PGM2L1: variants seen among roughly 807,000 people sequenced by gnomAD.
PGM2L1 encodes the protein phosphoglucomutase 2 like 1, also known as glucose 1,6-bisphosphate synthase.
In PGM2L1, 35 loss-of-function variants were observed where a neutral mutation model predicts 73.4. The ratio of observed to expected loss-of-function variants is 0.48; its 90% confidence interval spans 0.36 to 0.63. PGM2L1 has a LOEUF of 0.63. Among genes scored for constraint, PGM2L1 ranks in the 30% least tolerant of loss-of-function variants. PGM2L1 has a pLI of 0.00. For missense variants in PGM2L1, 570 were observed against 742.0 expected (o/e 0.77, Z 2.69); for synonymous variants, 225 against 253.8 (o/e 0.89, Z 1.08).
Position 74,334,764 on chromosome 11 carries a change from A to G in PGM2L1, c.*1888T>C, listed in dbSNP as rs2134872983. 6.6e-6 allele frequency: 1 copy of G among 152,316 alleles called. No individual in the cohort carries two copies. The highest frequency in any genetic ancestry group is 2.1e-4 in the South Asian group (1 of 4,826). The allele number at this position is 152,316 out of a possible 1,614,324, so 9.4% of individuals were successfully genotyped here. On this transcript the variant is annotated 3_prime_UTR_variant, in exon 14 of 14. Transcript: ENST00000298198. Reference sequence around the variant, plus strand: ...TTTATATGAAATAAATTCTCTAATTACAGTGCTATCTCCCATAAGCAATTT... The same window carrying G: ...TTTATATGAAATAAATTCTCTAATTGCAGTGCTATCTCCCATAAGCAATTT...
At chr11:74,340,246 G>A (rs1460798115) in intron 12 of PGM2L1, among the ~76,000 whole-genome samples, 1 of 152,132 alleles carries the variant, frequency 6.6e-6, no homozygotes, top group Non-Finnish European at 1.5e-5. Flanking sequence ...AACCAGAAGA[G>A]AATAGATGAA....
At chr11:74,380,480 C>T (rs1431387566) in intron 1 of PGM2L1, among the ~76,000 whole-genome samples, 1 of 151,894 alleles carries the variant, frequency 6.6e-6, no homozygotes, top group Non-Finnish European at 1.5e-5. Context: ...ATAAAATATA[C>T]TCATCATATA....
rs2134891488 is a variant in PGM2L1 at position 74,347,455 on chromosome 11, A to T, written c.750-118T>A. ...TAAATGTGATTTAAGCCTTCAGCAGAGGTCTAAGATATTCAAACAAACAAA... is the reference window on the plus strand; with the variant it reads ...TAAATGTGATTTAAGCCTTCAGCAGTGGTCTAAGATATTCAAACAAACAAA... On this transcript the variant is annotated intron_variant, in intron 6 of 13. Transcript: ENST00000298198. 11 of 829,746 alleles carry T rather than the reference A, an allele frequency of 1.3e-5. No homozygotes were observed. The South Asian group carries it at 2.5e-4, about 19-fold the overall frequency. The allele number at this position is 829,746 out of a possible 1,614,324, so 51.4% of individuals were successfully genotyped here.
At chr11:74,391,821 T>A (rs1383603996) in intron 1 of PGM2L1, among the ~76,000 whole-genome samples, 1 of 144,372 alleles carries the variant, frequency 6.9e-6, no homozygotes, top group Non-Finnish European at 1.5e-5. Flanking sequence ...AGGTACCTTA[T>A]ATAAGCTGGT....
chr11:74,354,986 G>A (rs909262506), intron 5 of PGM2L1: 2 of 1,139,946 alleles, frequency 1.8e-6, no homozygotes, highest in Non-Finnish European at 2.6e-6. Context: ...GGAAAGCCCT[G>A]TCAAAGCAAG....
intron 1 of PGM2L1, among the ~76,000 whole-genome samples, chr11:74,390,976 A>G (rs1863093638): frequency 6.6e-6 from 1 of 152,172 alleles, no homozygotes; most frequent in Admixed American, 6.5e-5. Flanking sequence ...GAGTTATTTA[A>G]TGGGTACAGA....
chr11:74,389,056 G>A (rs1427273107), intron 1 of PGM2L1, among the ~76,000 whole-genome samples: 3 of 152,194 alleles, frequency 2.0e-5, no homozygotes, highest in South Asian at 2.1e-4. Context: ...TCTCCAAAAG[G>A]AAGGATGAAA....
chr11:74,369,040 T>G (rs1311392125), intron 4 of PGM2L1, among the ~76,000 whole-genome samples: 1 of 152,176 alleles, frequency 6.6e-6, no homozygotes, highest in East Asian at 1.9e-4. Context: ...ACGTTCAAAT[T>G]TCAGTTACCA....
At chr11:74,368,604 T>C (rs751121861) in intron 4 of PGM2L1, 29 bp from the exon 5 acceptor site, 6 of 1,575,054 alleles carry the variant, frequency 3.8e-6, no homozygotes, top group Non-Finnish European at 5.2e-6. Flanking sequence ...CATAATTCCA[T>C]TTTGCTTCCT....
chr11:74,388,795 C>A (rs935709759), intron 1 of PGM2L1, among the ~76,000 whole-genome samples: 1 of 152,140 alleles, frequency 6.6e-6, no homozygotes, highest in African/African-American at 2.4e-5. Context: ...TATCTCACTG[C>A]CTTCCTGTCT....
At chr11:74,347,564 C>T (rs774503064) in intron 6 of PGM2L1, among the ~76,000 whole-genome samples, 24 of 152,154 alleles carry the variant, frequency 1.6e-4, no homozygotes, top group Non-Finnish European at 1.5e-4. Flanking sequence ...TGGACAGCTG[C>T]CTTCCATATG....
chr11:74,366,204 G>T (rs1490611002), intron 5 of PGM2L1, among the ~76,000 whole-genome samples: 2 of 150,872 alleles, frequency 1.3e-5, no homozygotes, highest in African/African-American at 4.9e-5. Context: ...ACACACCGGG[G>T]CCTGTTGTGG....
At chr11:74,337,746 T>C (rs1591162576) in intron 13 of PGM2L1, among the ~76,000 whole-genome samples, 1 of 152,186 alleles carries the variant, frequency 6.6e-6, no homozygotes. Context: ...AATCACATAA[T>C]ACTTAAAGCT....
intron 5 of PGM2L1, chr11:74,354,399 T>C (rs2134902096): frequency 6.7e-6 from 4 of 601,274 alleles, no homozygotes; most frequent in Middle Eastern, 4.4e-4. Flanking sequence ...TGCCCGTGGA[T>C]GCTGCTGAGG....
At position 74,347,471 on chromosome 11, in the gene PGM2L1, A is replaced by G. The variant is rs370257332; in HGVS notation, c.750-134T>C. 7.3e-6 allele frequency: 5 copies of G among 686,900 alleles called. No individual in the cohort carries two copies. The East Asian group carries it at 1.2e-4, about 17-fold the overall frequency. 42.6% of individuals were successfully genotyped at this position (686,900 alleles called of 1,614,324 possible). ...CTTCAGCAGAGGTCTAAGATATTCAAACAAACAAATCAAGAGTACTAACTT... is the reference window on the plus strand; with the variant it reads ...CTTCAGCAGAGGTCTAAGATATTCAGACAAACAAATCAAGAGTACTAACTT... On this transcript the variant is annotated intron_variant, in intron 6 of 13. Coordinates refer to ENST00000298198, the MANE Select transcript of PGM2L1 (RefSeq NM_173582.6).
At chr11:74,387,916 G>C (rs1863039770) in intron 1 of PGM2L1, among the ~76,000 whole-genome samples, 1 of 152,176 alleles carries the variant, frequency 6.6e-6, no homozygotes, top group Non-Finnish European at 1.5e-5. Flanking sequence ...CTTACAGCTT[G>C]TAATACATTC....
At position 74,332,547 on chromosome 11, in the gene PGM2L1, G is replaced by A. The variant is rs555433808; in HGVS notation, c.*4105C>T. 6.5e-6 allele frequency: 1 copy of A among 152,686 alleles called. No individual in the cohort carries two copies. The highest frequency in any genetic ancestry group is 2.1e-4 in the South Asian group (1 of 4,820). The allele number at this position is 152,686 out of a possible 1,614,324, so 9.5% of individuals were successfully genotyped here. On this transcript the variant is annotated 3_prime_UTR_variant, in exon 14 of 14. Transcript: ENST00000298198. ...ATAGTCCTTCACAGTAACAAAATGT[G>A]CAAGGGTGCCTAGGAAAAGTGGGAG... is the stretch of plus-strand genomic sequence containing the variant.
At position 74,398,054 on chromosome 11, in the gene PGM2L1, A is replaced by C; in HGVS notation, c.108T>G (p.Asp36Glu). ...DTAIGQWLRW[D>E]KNPKTKEQIE... is the part of the protein sequence containing the mutation. The stretch of plus-strand genomic sequence containing the variant: ...GCCGGGCTGACCAGGTACCCACCTT[A>C]TCCCAGCGGAGCCACTGCCCGATGG... Residue 36 changes from aspartate (D) to glutamate (E), a missense_variant, in exon 1 of 14, where the codon GAT (aspartate) becomes GAG (glutamate). Asp to Glu is a conservative substitution (Grantham distance 45). Transcript: ENST00000298198. The C allele has an allele frequency of 6.2e-7, 1 of 1,606,962 alleles. No individual in the cohort carries two copies. Among genetic ancestry groups the C allele is most frequent in the Non-Finnish European group, 8.5e-7 (1 of 1,176,070 alleles).
intron 13 of PGM2L1, 31 bp downstream of exon 13, chr11:74,338,436 TG>T (rs770936996): frequency 3.4e-6 from 5 of 1,489,550 alleles, no homozygotes; most frequent in Non-Finnish European, 4.6e-6. Flanking sequence ...ATAAAGCTTT[TG>T]TATGTATATC....
Sources: gnomAD v4.1 joint callset for allele counts (sites outside exome capture counted in the v4.1 genomes callset) on GRCh38, gnomAD v4.1.1 for gene constraint, MANE v1.5 for transcripts, NCBI Gene and HGNC (gene_info 2026-07-23, HGNC 2026-07-21) for gene names.